The following MDN1 variants were observed in gnomAD, a reference collection of about 807,000 sequenced individuals.
MDN1 encodes midasin.
In MDN1, 266 loss-of-function variants were observed where a neutral mutation model predicts 669.2. The ratio of observed to expected loss-of-function variants is 0.40; its 90% CI spans 0.36 to 0.44. The LOEUF is 0.44. Among genes scored for constraint, MDN1 ranks in the 20% least tolerant of loss-of-function variants. The pLI is 1.00. For missense variants in MDN1, 5,940 were observed against 6,754.0 expected (o/e 0.88, Z 4.22); for synonymous variants, 2,385 against 2,457.1 (o/e 0.97, Z 0.87).
intron 15 of MDN1, among the ~76,000 whole-genome samples, chr6:89,770,703 A>G (rs1818038810): frequency 6.6e-6 from 1 of 152,212 alleles, no homozygotes; most frequent in East Asian, 1.9e-4. Flanking sequence ...GGATTTCATC[A>G]TGTTGGCCAG....
chr6:89,803,722 C>T (rs575240455), intron 1 of MDN1, among the ~76,000 whole-genome samples, 168 bp from the exon 2 acceptor site: 3 of 151,808 alleles, frequency 2.0e-5, no homozygotes, highest in African/African-American at 7.2e-5. Context: ...GCTGGGACTA[C>T]AGGCGCCCGC....
intron 17 of MDN1, 125 bp from the exon 18 acceptor site, chr6:89,759,085 T>G: frequency 2.2e-6 from 2 of 890,288 alleles, no homozygotes; most frequent in Non-Finnish European, 3.3e-6. Context: ...GGGCCTATAC[T>G]TTAACTGGCT....
intron 12 of MDN1, among the ~76,000 whole-genome samples, chr6:89,776,280 G>A (rs1818348926): frequency 6.6e-6 from 1 of 152,026 alleles, no homozygotes; most frequent in Non-Finnish European, 1.5e-5. Context: ...TGACCAACAT[G>A]GAGAAACCCC....
At chr6:89,688,386 C>G (rs1396734705) in intron 66 of MDN1, among the ~76,000 whole-genome samples, 187 bp downstream of exon 66, 4 of 152,146 alleles carry the variant, frequency 2.6e-5, no homozygotes, top group African/African-American at 7.2e-5. Context: ...ATCATTTACA[C>G]AAGAGAAATA....
intron 1 of MDN1, among the ~76,000 whole-genome samples, chr6:89,810,157 C>T (rs969119881): frequency 3.6e-4 from 55 of 151,764 alleles, no homozygotes; most frequent in African/African-American, 1.3e-3. Flanking sequence ...AAAACAAGGC[C>T]GGGTATAGTG....
Position 89,794,177 on chromosome 6 carries a change from G to C in MDN1, c.585C>G (p.Thr195=), listed in dbSNP as rs986040114. ...WYTANCLALV[T]CMNEEHKLSF... is the part of the protein sequence containing the mutation. ...ATAACTTGTGCTCTTCATTCATACAGGTAACCAAAGCAAGACAATTGGCTG... is the reference window on the plus strand; with the variant it reads ...ATAACTTGTGCTCTTCATTCATACACGTAACCAAAGCAAGACAATTGGCTG... Residue 195 remains threonine (T), a synonymous_variant, in exon 4 of 102, where the codon ACC becomes ACG. Coordinates refer to ENST00000369393, the MANE Select transcript of MDN1 (RefSeq NM_014611.3). 2.5e-6 allele frequency: 4 copies of C among 1,599,600 alleles called. No individual in the cohort carries two copies. In the African/African-American group the frequency reaches 4.0e-5, roughly 16 times the overall value.
At chr6:89,770,084 C>T (rs1818003716) in intron 15 of MDN1, among the ~76,000 whole-genome samples, 2 of 151,326 alleles carry the variant, frequency 1.3e-5, no homozygotes, top group South Asian at 4.2e-4. Flanking sequence ...GGTGACAGAA[C>T]GAGATCCTGC....
intron 13 of MDN1, among the ~76,000 whole-genome samples, chr6:89,774,251 A>G (rs1369801951): frequency 6.6e-6 from 1 of 152,226 alleles, no homozygotes; most frequent in Non-Finnish European, 1.5e-5. Flanking sequence ...CAGACATGTA[A>G]TAAGTATTTA....
At chr6:89,815,938 T>C (rs943796658) in intron 1 of MDN1, among the ~76,000 whole-genome samples, 1 of 152,210 alleles carries the variant, frequency 6.6e-6, no homozygotes, top group Non-Finnish European at 1.5e-5. Flanking sequence ...CCTATTTATA[T>C]GTTCAAGGCA....
chr6:89,785,192 G>A lies in MDN1; in HGVS notation c.1335-66C>T. On this transcript the variant is annotated intron_variant, in intron 8 of 101. Coordinates refer to ENST00000369393, the MANE Select transcript of MDN1 (RefSeq NM_014611.3). ...AATTTTAATCCTGAATTGTGCCTCT[G>A]GATATTACTTGCTGTACACTGTCTC... 3 of 1,046,880 alleles carry A rather than the reference G, an allele frequency of 2.9e-6. No homozygotes were observed. The South Asian group carries it at 3.8e-5, about 13-fold the overall frequency. The allele number at this position is 1,046,880 out of a possible 1,614,324, so 64.8% of individuals were successfully genotyped here. A position where few individuals can be genotyped will look rare whatever the true frequency, so the allele number is the denominator to read the frequency against.
intron 33 of MDN1, among the ~76,000 whole-genome samples, chr6:89,736,763 C>T (rs1373863006): frequency 2.0e-5 from 3 of 152,180 alleles, no homozygotes; most frequent in Admixed American, 1.3e-4. Flanking sequence ...CACTGCACTC[C>T]AGCCTGGGTG....
intron 59 of MDN1, among the ~76,000 whole-genome samples, chr6:89,697,882 A>G (rs950043796): frequency 1.3e-5 from 2 of 152,096 alleles, no homozygotes; most frequent in Non-Finnish European, 2.9e-5. Context: ...GCGCCTGACC[A>G]ACACAATTTT....
intron 2 of MDN1, 61 bp downstream of exon 2, chr6:89,803,267 C>G: frequency 7.1e-7 from 1 of 1,417,480 alleles, no homozygotes; most frequent in Middle Eastern, 1.8e-4. Context: ...CCCTTACATC[C>G]CAGGAGACAG....
At chr6:89,802,508 C>A (rs1265251360) in intron 2 of MDN1, among the ~76,000 whole-genome samples, 1 of 152,110 alleles carries the variant, frequency 6.6e-6, no homozygotes, top group Non-Finnish European at 1.5e-5. Context: ...CATGGTGAAA[C>A]CCCGTCTCTA....
At chr6:89,729,948 G>A (rs1815487876) in intron 35 of MDN1, among the ~76,000 whole-genome samples, 1 of 151,996 alleles carries the variant, frequency 6.6e-6, no homozygotes, top group African/African-American at 2.4e-5. Context: ...AACCTGGACT[G>A]GTTATGTTCA....
In MDN1 at chr6:89,728,804, G is replaced by C. The variant is rs771914436; in HGVS notation, c.5349+127C>G. On this transcript the variant is annotated intron_variant, in intron 36 of 101. Coordinates refer to ENST00000369393, the MANE Select transcript of MDN1 (RefSeq NM_014611.3). ...CGAGACTCTGTCTCAAAAAAACAAA[G>C]AAAAGAAAAGAAAAGAAAAATTTGA... The C allele has an allele frequency of 2.7e-4, 273 of 1,011,230 alleles. 3 individuals carry two copies. The highest frequency in any genetic ancestry group is 3.2e-4 in the Non-Finnish European group (224 of 702,236). 62.6% of individuals were successfully genotyped at this position (1,011,230 alleles called of 1,614,324 possible).
intron 1 of MDN1, among the ~76,000 whole-genome samples, chr6:89,805,075 T>TA (rs1280824189): frequency 1.3e-5 from 2 of 148,240 alleles, no homozygotes; most frequent in Non-Finnish European, 3.0e-5. Flanking sequence ...GTGCCCGGGT[T>TA]CAGAATGCAG....
Position 89,749,601 on chromosome 6 carries a change from T to G in MDN1, c.3557A>C (p.His1186Pro), listed in dbSNP as rs1214090412. The G allele has an allele frequency of 1.9e-6, 3 of 1,614,060 alleles. No individual in the cohort carries two copies. In the South Asian group the frequency reaches 3.3e-5, roughly 18 times the overall value. ...GGTGGCAAAAAGCATAAACCGAGGG[T>G]GTGCTTTAACAACTTCCTGTGTTTC... ...VTETQEVVKA[H>P]PRFMLFATQN... The change falls in exon 25 of 102, where the codon CAC (histidine) becomes CCC (proline). Residue 1186 changes from histidine to proline, a missense_variant. Coordinates refer to ENST00000369393, the MANE Select transcript of MDN1 (RefSeq NM_014611.3).
chr6:89,819,442 C>CA, intron 1 of MDN1, 64 bp downstream of exon 1: 1 of 1,427,858 alleles, frequency 7.0e-7, no homozygotes, highest in Non-Finnish European at 9.6e-7. Context: ...CGGGGGAGCG[C>CA]AGGAAGCTTA....
Sources: allele counts gnomAD v4.1 joint callset (sites outside exome capture counted in the v4.1 genomes callset), GRCh38; gene constraint gnomAD v4.1.1; transcripts MANE v1.5; gene names NCBI Gene and HGNC (gene_info 2026-07-23, HGNC 2026-07-21).